The following RELT variants were observed in gnomAD, a reference collection of about 807,000 sequenced individuals.
RELT encodes the protein tumor necrosis factor receptor superfamily member 19L.
In RELT, 37 loss-of-function variants were observed where a neutral mutation model predicts 51.1. That is an observed-to-expected ratio of 0.72 (90% CI 0.56 to 0.95). The LOEUF (loss-of-function observed/expected upper bound fraction) is 0.95. Ranked by LOEUF, RELT falls within the 40% of genes least tolerant of loss-of-function variation. The pLI is 0.00. For synonymous variants in RELT, 241 were observed against 235.7 expected (o/e 1.02, Z -0.21); for missense variants, 535 against 572.6 (o/e 0.93, Z 0.67).
chr11:73,388,753 C>T lies in RELT; in HGVS notation c.-25-359C>T, dbSNP rs1032351544. 1.3e-5 allele frequency among the ~76,000 whole-genome samples: 2 copies of T among 152,190 alleles called. No homozygotes were observed. Among genetic ancestry groups the T allele is most frequent in the African/African-American group, 4.8e-5 (2 of 41,448 alleles). On this transcript the variant is annotated intron_variant, in intron 1 of 10. Transcript: ENST00000064780. This position sits in a 1 kb window ranked among gnomAD's most constrained non-coding sequence, Gnocchi z 4.1. ...GGGGTGTTGGGTGTTGGTTGCAACCCTGTCATCACGGACACAGGCCGCCAC... is the reference window on the plus strand; with the variant it reads ...GGGGTGTTGGGTGTTGGTTGCAACCTTGTCATCACGGACACAGGCCGCCAC...
intron 1 of RELT, among the ~76,000 whole-genome samples, chr11:73,386,996 A>G (rs970805658): frequency 2.1e-5 from 3 of 145,360 alleles, no homozygotes; most frequent in African/African-American, 7.8e-5. Flanking sequence ...CCCAGGCTGG[A>G]GTACAGTGGC....
chr11:73,383,747 C>T (rs1283207359), intron 1 of RELT, among the ~76,000 whole-genome samples: 3 of 152,242 alleles, frequency 2.0e-5, no homozygotes, highest in African/African-American at 7.2e-5. Context: ...GGAATGCTCA[C>T]TTCTCCTGCA....
intron 1 of RELT, among the ~76,000 whole-genome samples, chr11:73,379,367 A>T (rs1480306019): frequency 6.6e-6 from 1 of 152,114 alleles, no homozygotes; most frequent in Non-Finnish European, 1.5e-5. Context: ...GCCTCTGGGG[A>T]TGACAGTGGG....
chr11:73,379,034 G>C (rs182195120), intron 1 of RELT, among the ~76,000 whole-genome samples: 87 of 152,206 alleles, frequency 5.7e-4, no homozygotes, highest in African/African-American at 2.0e-3. Flanking sequence ...TCTGGGCCTC[G>C]GTCTCCCTGT....
intron 1 of RELT, among the ~76,000 whole-genome samples, chr11:73,387,082 A>C (rs1038903575): frequency 1.3e-5 from 2 of 151,780 alleles, no homozygotes; most frequent in Non-Finnish European, 2.9e-5. Flanking sequence ...AGTAGCTGGG[A>C]TTACAAGTTG....
chr11:73,389,870 T>C (rs541882359), intron 2 of RELT, among the ~76,000 whole-genome samples: 25 of 152,174 alleles, frequency 1.6e-4, no homozygotes, highest in African/African-American at 4.8e-4. Context: ...CTAGGCCAAA[T>C]TGGGGGACTC....
chr11:73,395,347 A>G lies in RELT; in HGVS notation c.1245+62A>G, dbSNP rs1336387600. ...GGCCAACCCTGACCGAAGACGGGGC[A>G]GGGGTGGAAGTGCAGCGGGCCCTAG... On this transcript the variant is annotated intron_variant, in intron 10 of 10. Coordinates refer to ENST00000064780, the MANE Select transcript of RELT (RefSeq NM_152222.2). 3 of 1,582,458 alleles carry G rather than the reference A, an allele frequency of 1.9e-6. No individual in the cohort carries two copies. In the East Asian group the frequency reaches 6.7e-5, roughly 35 times the overall value.
intron 1 of RELT, among the ~76,000 whole-genome samples, chr11:73,382,753 A>G (rs751803956): frequency 6.6e-6 from 1 of 152,170 alleles, no homozygotes; most frequent in African/African-American, 2.4e-5. Flanking sequence ...GACCCAGCTT[A>G]GAGTGGGAAG....
At chr11:73,380,521 C>G (rs1251170404) in intron 1 of RELT, among the ~76,000 whole-genome samples, 2 of 152,162 alleles carry the variant, frequency 1.3e-5, no homozygotes, top group African/African-American at 4.8e-5. Context: ...ATGGGGGAAC[C>G]TCGACTCAGA....
Position 73,392,207 on chromosome 11 carries a change from T to C in RELT, c.368-4T>C. On this transcript the variant is annotated splice_region_variant and splice_polypyrimidine_tract_variant and intron_variant, in intron 5 of 10. Transcript: ENST00000064780. ...GTCCTGCCTCCATCGTCTGTGATGC[T>C]CAGAGTGGGGGCGGCGGGCCCGACG... 6.2e-7 allele frequency: 1 copy of C among 1,610,774 alleles called. No individual in the cohort carries two copies. Among genetic ancestry groups the C allele is most frequent in the Non-Finnish European group, 8.5e-7 (1 of 1,178,460 alleles).
intron 1 of RELT, among the ~76,000 whole-genome samples, chr11:73,383,800 G>T (rs116586455): frequency 1.3e-5 from 2 of 152,240 alleles, no homozygotes; most frequent in African/African-American, 4.8e-5. Context: ...CCTGCACAGG[G>T]CTGGGGTCCA....
intron 1 of RELT, among the ~76,000 whole-genome samples, chr11:73,387,990 C>T (rs898379449): frequency 1.3e-5 from 2 of 152,206 alleles, no homozygotes; most frequent in African/African-American, 2.4e-5. Flanking sequence ...AAGTACACAG[C>T]GGACTTCCTT....
intron 6 of RELT, chr11:73,393,225 C>T (rs755127490): frequency 5.0e-5 from 50 of 1,000,598 alleles, no homozygotes; most frequent in Non-Finnish European, 5.5e-5. Flanking sequence ...CAGGAGGAAA[C>T]GTGGTGACTC....
chr11:73,392,160 G>T (rs748680760), intron 5 of RELT, 51 bp from the exon 6 acceptor site: 3 of 1,589,028 alleles, frequency 1.9e-6, no homozygotes, highest in South Asian at 2.3e-5. Context: ...CTGTCTCTCT[G>T]TGTTTGTGTC....
chr11:73,391,510 A>G (rs1315203305), intron 5 of RELT, among the ~76,000 whole-genome samples: 1 of 152,208 alleles, frequency 6.6e-6, no homozygotes, highest in Admixed American at 6.5e-5. Flanking sequence ...CATCCCTTCA[A>G]AGAGATTCAT....
rs761018334 is a variant in RELT, at chr11:73,394,275, A to G, written c.746A>G (p.His249Arg). The part of the protein sequence containing the change: ...AALEELLKEY[H>R]SKQLVQTSHR... ...CTGGAGGAGCTGCTGAAAGAGTACC[A>G]CAGCAAACAGCTGGTGCAGACGAGC... The change falls in exon 8 of 11, where the codon CAC becomes CGC. Residue 249 changes from histidine to arginine, a missense_variant. Transcript: ENST00000064780. The surrounding 1 kb of genome is among the most constrained non-coding windows in gnomAD (Gnocchi z 4.9). 1.9e-5 allele frequency: 30 copies of G among 1,612,104 alleles called. No individual in the cohort carries two copies. Among genetic ancestry groups the G allele is most frequent in the Non-Finnish European group, 2.5e-5 (30 of 1,179,672 alleles).
At chr11:73,380,619 G>C (rs1866036701) in intron 1 of RELT, among the ~76,000 whole-genome samples, 1 of 152,226 alleles carries the variant, frequency 6.6e-6, no homozygotes, top group Non-Finnish European at 1.5e-5. Flanking sequence ...TCTCCAGGCA[G>C]GAGGTGAGGG....
chr11:73,393,087 A>G lies in RELT; in HGVS notation c.625+619A>G, dbSNP rs562854046. ...CCCATGGGAGCCTGTGGCTACCTCA[A>G]GAGTGAAATGGCATCTCCCATGCTA... On this transcript the variant is annotated intron_variant, in intron 6 of 10. Coordinates refer to ENST00000064780, the MANE Select transcript of RELT (RefSeq NM_152222.2). 694 of 996,350 alleles carry G rather than the reference A, an allele frequency of 7.0e-4. 2 individuals carry two copies. The Middle Eastern group carries it at 7.3e-3, about 10-fold the overall frequency. The allele number at this position is 996,350 out of a possible 1,614,324, so 61.7% of individuals were successfully genotyped here. A position where few individuals can be genotyped will look rare whatever the true frequency, so the allele number is the denominator to read the frequency against.
At chr11:73,386,246 T>C (rs974459171) in intron 1 of RELT, among the ~76,000 whole-genome samples, 1 of 152,104 alleles carries the variant, frequency 6.6e-6, no homozygotes, top group Non-Finnish European at 1.5e-5. Flanking sequence ...CTCCTCCCCA[T>C]CCAGTGTGGC....
Sources: gnomAD v4.1 joint callset for allele counts (sites outside exome capture counted in the v4.1 genomes callset) on GRCh38, gnomAD v4.1.1 for gene constraint, Gnocchi (gnomAD v3.1) non-coding constraint, MANE v1.5 for transcripts, NCBI Gene and HGNC (gene_info 2026-07-23, HGNC 2026-07-21) for gene names.